Variants in LYN observed in about 807,000 individuals in gnomAD.
The protein encoded by LYN is tyrosine-protein kinase Lyn.
In LYN, 12 loss-of-function variants were observed where a neutral mutation model predicts 65.0. The observed-to-expected ratio is 0.18, with a 90% CI of 0.12 to 0.30. The LOEUF (loss-of-function observed/expected upper bound fraction) is 0.30, where lower values mean the gene tolerates loss of function less well. Among genes scored for constraint, LYN ranks in the 10% least tolerant of loss-of-function variants. LYN has a pLI of 1.00. For missense variants in LYN, 380 were observed against 623.2 expected, an observed-to-expected ratio of 0.61 and a Z score of 4.16; for synonymous variants, 222 against 221.2, an observed-to-expected ratio of 1.00 and a Z score of -0.03.
At chr8:55,969,596 G>A (rs1045513277) in intron 9 of LYN, 121 bp from the exon 10 acceptor site, 7 of 783,840 alleles carry the variant, frequency 8.9e-6, no homozygotes, top group Non-Finnish European at 1.6e-5. Flanking sequence ...TAACCATACA[G>A]AATTGCAAAG....
rs16920172 is a variant in LYN at position 55,985,207 on chromosome 8, A to C, written c.1051-13139A>C. Among the ~76,000 whole-genome samples the C allele has an allele frequency of 4.4e-3, 674 of 152,362 alleles. 4 individuals carry two copies. Among genetic ancestry groups the C allele is most frequent in the African/African-American group, 0.015 (636 of 41,592 alleles). Reference sequence around the variant, plus strand: ...TCACTGCTCTAAGTGAGTGAAACCCAGTAATTGTTTGCTGAAATCACTAGG... The same window carrying C: ...TCACTGCTCTAAGTGAGTGAAACCCCGTAATTGTTTGCTGAAATCACTAGG... On this transcript the variant is annotated intron_variant, in intron 10 of 12. Coordinates refer to ENST00000519728, the MANE Select transcript of LYN (RefSeq NM_002350.4).
intron 10 of LYN, among the ~76,000 whole-genome samples, chr8:55,970,026 G>A (rs1490023107): frequency 6.6e-6 from 1 of 152,206 alleles, no homozygotes; most frequent in Non-Finnish European, 1.5e-5. Context: ...TATAAACCAA[G>A]TCAACCTCTT....
chr8:55,956,423 A>G (rs1460416233), intron 8 of LYN, among the ~76,000 whole-genome samples: 1 of 152,178 alleles, frequency 6.6e-6, no homozygotes, highest in Non-Finnish European at 1.5e-5. Context: ...AGCCGGTCCT[A>G]TTCTTAATGA....
intron 1 of LYN, among the ~76,000 whole-genome samples, chr8:55,884,820 G>C (rs1804746473): frequency 6.6e-6 from 1 of 152,220 alleles, no homozygotes; most frequent in Non-Finnish European, 1.5e-5. Context: ...CATCCATGCT[G>C]ACAAGAGCAG....
intron 1 of LYN, among the ~76,000 whole-genome samples, chr8:55,909,918 AT>A (rs963298536): frequency 2.1e-5 from 3 of 144,512 alleles, no homozygotes; most frequent in African/African-American, 7.7e-5. Context: ...ATTTGTATGT[AT>A]TTTTTTTGAA....
At chr8:55,971,791 C>T (rs1162250838) in intron 10 of LYN, among the ~76,000 whole-genome samples, 1 of 152,208 alleles carries the variant, frequency 6.6e-6, no homozygotes, top group Non-Finnish European at 1.5e-5. Flanking sequence ...GAATTACTAC[C>T]ATTACCTCGA....
intron 6 of LYN, 48 bp from the exon 7 acceptor site, chr8:55,951,918 A>G (rs1276416618): frequency 6.6e-7 from 1 of 1,522,376 alleles, no homozygotes; most frequent in East Asian, 2.3e-5. Flanking sequence ...TATAATGCAG[A>G]TCTTATTTGT....
intron 10 of LYN, among the ~76,000 whole-genome samples, chr8:55,972,456 T>G (rs559054827): frequency 6.6e-6 from 1 of 152,210 alleles, no homozygotes; most frequent in Non-Finnish European, 1.5e-5. Context: ...CAACAAGGAG[T>G]AGGGCCTGTA....
chr8:55,987,619 T>A (rs1038187195), intron 10 of LYN, among the ~76,000 whole-genome samples: 1 of 152,072 alleles, frequency 6.6e-6, no homozygotes, highest in Non-Finnish European at 1.5e-5. Flanking sequence ...TTTCACCACA[T>A]TGGGCAGGCT....
chr8:55,968,539 G>A (rs1222445700), intron 9 of LYN, among the ~76,000 whole-genome samples: 1 of 152,204 alleles, frequency 6.6e-6, no homozygotes, highest in African/African-American at 2.4e-5. Context: ...TTATAGGTGT[G>A]AGCCACCAAG....
chr8:55,921,811 A>G (rs955548459), intron 1 of LYN, among the ~76,000 whole-genome samples: 3 of 152,184 alleles, frequency 2.0e-5, no homozygotes, highest in Non-Finnish European at 2.9e-5. Flanking sequence ...ATGATGGTAT[A>G]TTAGTAATAA....
chr8:55,935,776 A>C (rs1806414461), intron 1 of LYN, among the ~76,000 whole-genome samples: 1 of 126,290 alleles, frequency 7.9e-6, no homozygotes, highest in Non-Finnish European at 1.7e-5. Context: ...GGGAGACTCC[A>C]TCCAAAAAAA....
intron 1 of LYN, among the ~76,000 whole-genome samples, chr8:55,941,547 A>G (rs958291151): frequency 3.9e-5 from 6 of 152,100 alleles, no homozygotes; most frequent in African/African-American, 1.4e-4. Context: ...CCTGAGTTAC[A>G]TGTCCTTTCT....
At chr8:55,929,976 T>C (rs2130449517) in intron 1 of LYN, among the ~76,000 whole-genome samples, 1 of 152,340 alleles carries the variant, frequency 6.6e-6, no homozygotes, top group South Asian at 2.1e-4. Context: ...CATTACTGCC[T>C]GAACTCTGTC....
At chr8:55,970,628 C>T (rs1035575653) in intron 10 of LYN, among the ~76,000 whole-genome samples, 1 of 152,156 alleles carries the variant, frequency 6.6e-6, no homozygotes, top group Non-Finnish European at 1.5e-5. Flanking sequence ...TCTTCCCTCA[C>T]ACCCTCTTTT....
intron 1 of LYN, among the ~76,000 whole-genome samples, chr8:55,928,259 C>A (rs117251957): frequency 2.6e-5 from 4 of 152,200 alleles, no homozygotes; most frequent in African/African-American, 9.7e-5. Context: ...GATTCTCATG[C>A]TTCACCCTCT....
chr8:56,013,458 A>C lies in LYN; in HGVS notation c.*3348A>C, dbSNP rs546927072. 9 of 152,138 alleles carry C rather than the reference A, an allele frequency of 5.9e-5. No homozygotes were observed. Among genetic ancestry groups the C allele is most frequent in the African/African-American group, 2.2e-4 (9 of 41,388 alleles). 9.4% of individuals were successfully genotyped at this position (152,138 alleles called of 1,614,324 possible). A position where few individuals can be genotyped will look rare whatever the true frequency, so the allele number is the denominator to read the frequency against. Reference sequence around the variant, plus strand: ...GCTAATTTTTGTATTTTTAGTAGAGATGGGGTTTCACCATGTTAGCCAGGC... The same window carrying C: ...GCTAATTTTTGTATTTTTAGTAGAGCTGGGGTTTCACCATGTTAGCCAGGC... On this transcript the variant is annotated 3_prime_UTR_variant, in exon 13 of 13. Coordinates refer to ENST00000519728, the MANE Select transcript of LYN (RefSeq NM_002350.4).
chr8:56,000,587 G>A lies in LYN; in HGVS notation c.1336+1038G>A, dbSNP rs1015913519. Among the ~76,000 whole-genome samples, 3 of 151,846 alleles carry A rather than the reference G, an allele frequency of 2.0e-5. No individual in the cohort carries two copies. The East Asian group carries it at 5.8e-4, about 29-fold the overall frequency. ...ACTAAAAATACAAAAAATTAGCTGG[G>A]CGTAGTGGTGGGCATCTGTAATCCC... On this transcript the variant is annotated intron_variant, in intron 12 of 12. Transcript: ENST00000519728.
Position 55,953,833 on chromosome 8 carries a change from G to A in LYN, c.639G>A (p.Lys213=), listed in dbSNP as rs1367748139. The change falls in exon 8 of 13, where the codon AAG becomes AAA. Residue 213 remains lysine (K), a splice_region_variant and synonymous_variant. Transcript: ENST00000519728. ...CTTCATTTTTCCCTTTCAAATTAGAGCAGGCAGATGGCTTGTGCAGAAGAT... is the reference window on the plus strand; with the variant it reads ...CTTCATTTTTCCCTTTCAAATTAGAACAGGCAGATGGCTTGTGCAGAAGAT... The part of the protein sequence containing the change: ...CISDMIKHYQ[K]QADGLCRRLE... 6.2e-7 allele frequency: 1 copy of A among 1,613,264 alleles called. No homozygotes were observed.
Sources: gnomAD v4.1 joint callset for allele counts (sites outside exome capture counted in the v4.1 genomes callset) on GRCh38, gnomAD v4.1.1 for gene constraint, MANE v1.5 for transcripts, NCBI Gene and HGNC (gene_info 2026-07-23, HGNC 2026-07-21) for gene names.